Variants in HERC1 observed in about 807,000 individuals in gnomAD.
HERC1 encodes the protein HECT and RLD domain containing E3 ubiquitin protein ligase family member 1.
HERC1 carries 160 observed loss-of-function variants against 554.3 expected under a neutral mutation model. That is an observed-to-expected ratio of 0.29 (90% CI 0.25 to 0.33). The LOEUF (loss-of-function observed/expected upper bound fraction) is 0.33, where lower values mean the gene tolerates loss of function less well. HERC1 is among the 10% of genes least tolerant of loss of function. The probability of loss-of-function intolerance (pLI) is 1.00; values close to 1 mark genes in which losing one functional copy is unlikely to be tolerated. For synonymous variants in HERC1, 2,175 were observed against 2,131.7 expected, an observed-to-expected ratio of 1.02 and a Z score of -0.56; for missense variants, 4,919 against 5,918.5, an observed-to-expected ratio of 0.83 and a Z score of 5.54.
intron 2 of HERC1, among the ~76,000 whole-genome samples, chr15:63,766,678 T>C (rs1233672997): frequency 1.3e-5 from 2 of 152,228 alleles, no homozygotes; most frequent in Non-Finnish European, 2.9e-5. Context: ...GGGGTTTTTT[T>C]GTTTTGTTTT....
intron 32 of HERC1, 52 bp from the exon 33 acceptor site, chr15:63,689,751 T>C: frequency 9.0e-7 from 1 of 1,116,548 alleles, no homozygotes; most frequent in Non-Finnish European, 1.3e-6. Flanking sequence ...ACTTTAAGTA[T>C]TTTTAGAAAA....
At chr15:63,628,109 G>A (rs1455011973) in intron 70 of HERC1, among the ~76,000 whole-genome samples, 3 of 152,070 alleles carry the variant, frequency 2.0e-5, no homozygotes, top group Non-Finnish European at 4.4e-5. Context: ...TAAAAATACC[G>A]GCCAGGCGCT....
chr15:63,612,102 T>C lies in HERC1; in HGVS notation c.14400+149A>G. 1 of 685,050 alleles carries C rather than the reference T, an allele frequency of 1.5e-6. No homozygotes were observed. Among genetic ancestry groups the C allele is most frequent in the Non-Finnish European group, 2.4e-6 (1 of 416,574 alleles). The allele number at this position is 685,050 out of a possible 1,614,324, so 42.4% of individuals were successfully genotyped here. On this transcript the variant is annotated intron_variant, in intron 77 of 77. Transcript: ENST00000443617. This position sits in a 1 kb window ranked among gnomAD's most constrained non-coding sequence, Gnocchi z 5.0. ...ACTGCGGAGGCTGAGGCAGGAGAAC[T>C]GCTTGAAGCTAGGAAGCGGAGGTTG...
At chr15:63,773,560 A>G (rs956537706) in intron 2 of HERC1, among the ~76,000 whole-genome samples, 2 of 141,420 alleles carry the variant, frequency 1.4e-5, no homozygotes, top group African/African-American at 5.2e-5. Context: ...ATTTTATTTT[A>G]TTTTTGAGAC....
Position 63,725,469 on chromosome 15 carries a change from G to T in HERC1, c.3391C>A (p.Pro1131Thr). 2 of 1,613,904 alleles carry T rather than the reference G, an allele frequency of 1.2e-6. No homozygotes were observed. The highest frequency in any genetic ancestry group is 1.1e-5 in the South Asian group (1 of 91,076). Residue 1131 changes from proline to threonine, a missense_variant, in exon 18 of 78, where the codon CCA becomes ACA. This residue lies in a region of HERC1 where 1,121 missense variants were observed against 1,244.0 expected (regional missense o/e 0.90). Transcript: ENST00000443617. ...IDPAGLPLPQ[P>T]AQSWVWLVDL... is the part of the protein sequence containing the mutation. ...ACAAGCCATACCCAGGACTGAGCTG[G>T]CTGAGGTAATGGCAGACCAGCAGGA...
chr15:63,669,571 C>A lies in HERC1; in HGVS notation c.8173G>T (p.Asp2725Tyr). 6.2e-7 allele frequency: 1 copy of A among 1,613,820 alleles called. No individual in the cohort carries two copies. The highest frequency in any genetic ancestry group is 1.3e-5 in the African/African-American group (1 of 75,044). The change falls in exon 40 of 78, where the codon GAT becomes TAT. Residue 2725 changes from aspartate (D) to tyrosine (Y), a missense_variant. This residue lies in a region of HERC1 where 1,963 missense variants were observed against 2,228.6 expected (regional missense o/e 0.88). Transcript: ENST00000443617. Reference protein sequence around the residue: ...VGRRQSLTSPDSQSARPANRT... With the variant: ...VGRRQSLTSPYSQSARPANRT... ...TTAGCTGGCCTTGCTGACTGGGAAT[C>A]AGGAGAAGTTAAACTTTGCCTCCTT...
intron 67 of HERC1, among the ~76,000 whole-genome samples, chr15:63,633,139 T>C (rs1476831441): frequency 6.6e-6 from 1 of 152,228 alleles, no homozygotes; most frequent in Non-Finnish European, 1.5e-5. Flanking sequence ...TAGTTTAACA[T>C]TTTAGCTTTT....
intron 59 of HERC1, 131 bp from the exon 60 acceptor site, chr15:63,641,774 G>A (rs2069074430): frequency 2.8e-6 from 2 of 710,710 alleles, no homozygotes; most frequent in South Asian, 2.7e-5. Context: ...TATCCAAAAA[G>A]GCTATGCTTT....
intron 24 of HERC1, among the ~76,000 whole-genome samples, chr15:63,707,463 T>G (rs1329881499): frequency 6.6e-6 from 1 of 152,228 alleles, no homozygotes; most frequent in Non-Finnish European, 1.5e-5. Context: ...GTGTTACCTG[T>G]GTATCTGGTG....
intron 69 of HERC1, 80 bp from the exon 70 acceptor site, chr15:63,628,895 G>A: frequency 7.4e-7 from 1 of 1,354,184 alleles, no homozygotes. Context: ...TTCTTAGATG[G>A]TGGCAGACAT....
intron 1 of HERC1, among the ~76,000 whole-genome samples, chr15:63,805,121 G>A (rs1018007415): frequency 5.3e-5 from 8 of 152,120 alleles, no homozygotes; most frequent in African/African-American, 1.7e-4. Flanking sequence ...TAAAGACCTG[G>A]TCATCAGTAT....
At chr15:63,632,836 A>G (rs1595861377) in intron 67 of HERC1, 25 bp from the exon 68 acceptor site, 2 of 1,463,720 alleles carry the variant, frequency 1.4e-6, no homozygotes, top group East Asian at 4.9e-5. Flanking sequence ...TGTAAGGCAC[A>G]CAACTTTAAG....
Position 63,678,270 on chromosome 15 carries a change from G to T in HERC1, c.6645C>A (p.Ala2215=). ...GAAGGATACGGATGAGCTGAATAGT[G>T]GCCTCAGCCAGCACTGCTGCTACTG... ...CSPVAAVLAE[A]TIQLIRILHR... Residue 2215 remains alanine, a synonymous_variant, in exon 37 of 78, where the codon GCC becomes GCA. Coordinates refer to ENST00000443617, the MANE Select transcript of HERC1 (RefSeq NM_003922.4). 1 of 1,613,550 alleles carries T rather than the reference G, an allele frequency of 6.2e-7. No individual in the cohort carries two copies. The highest frequency in any genetic ancestry group is 2.2e-5 in the East Asian group (1 of 44,836).
chr15:63,819,025 TAAGCCATCTTG>T (rs2077594122), intron 1 of HERC1, among the ~76,000 whole-genome samples: 1 of 152,246 alleles, frequency 6.6e-6, no homozygotes, highest in Non-Finnish European at 1.5e-5. Flanking sequence ...CCAATTACCA[TAAGCCATCTTG>T]GCCCATTCGT....
intron 25 of HERC1, among the ~76,000 whole-genome samples, chr15:63,705,892 T>C (rs1289796472): frequency 6.6e-6 from 1 of 151,908 alleles, no homozygotes; most frequent in Non-Finnish European, 1.5e-5. Flanking sequence ...TAGCTGAGCA[T>C]GGTGGTGCAC....
At chr15:63,613,727 G>A (rs1247136185) in intron 76 of HERC1, among the ~76,000 whole-genome samples, 2 of 151,974 alleles carry the variant, frequency 1.3e-5, no homozygotes, top group African/African-American at 4.8e-5. Context: ...CCAGCTACTT[G>A]GAAGGCTAAG....
rs762685480 is a variant in HERC1 at position 63,672,594 on chromosome 15, G to A, written c.7947C>T (p.Ser2649=). 8 of 1,612,362 alleles carry A rather than the reference G, an allele frequency of 5.0e-6. No individual in the cohort carries two copies. The East Asian group carries it at 1.6e-4, about 31-fold the overall frequency. The change falls in exon 39 of 78, where the codon AGC becomes AGT. Residue 2649 remains serine, a synonymous_variant. Coordinates refer to ENST00000443617, the MANE Select transcript of HERC1 (RefSeq NM_003922.4). ...SASSTTSFMS[S]SLEDTTTATT... ...TGGCAGTTGTGGTGTCCTCCAGAGAGCTGCTCATAAAGGAGGTCGTGCTTG... is the reference window on the plus strand; with the variant it reads ...TGGCAGTTGTGGTGTCCTCCAGAGAACTGCTCATAAAGGAGGTCGTGCTTG...
intron 17 of HERC1, among the ~76,000 whole-genome samples, chr15:63,726,204 A>C (rs1171269366): frequency 2.0e-5 from 3 of 150,966 alleles, no homozygotes. Flanking sequence ...CTGGTCTTGA[A>C]CTCCTGACCT....
rs767627559 is a variant in HERC1 at position 63,734,597 on chromosome 15, G to A, written c.2646+127C>T. On this transcript the variant is annotated intron_variant, in intron 13 of 77. Coordinates refer to ENST00000443617, the MANE Select transcript of HERC1 (RefSeq NM_003922.4). The surrounding 1 kb of genome is among the most constrained non-coding windows in gnomAD (Gnocchi z 4.6). ...GTTAAGACAACTGGGAATTCTTCCA[G>A]CACAACACATTAACCCATCAAGTAC... 3.9e-5 allele frequency: 27 copies of A among 689,212 alleles called. No homozygotes were observed. Among genetic ancestry groups the A allele is most frequent in the South Asian group, 2.9e-4 (10 of 34,086 alleles). The allele number at this position is 689,212 out of a possible 1,614,324, so 42.7% of individuals were successfully genotyped here.
Sources: allele counts gnomAD v4.1 joint callset (sites outside exome capture counted in the v4.1 genomes callset), GRCh38; gene constraint gnomAD v4.1.1; regional missense constraint gnomAD v4.1.1; non-coding constraint Gnocchi (gnomAD v3.1); transcripts MANE v1.5; gene names NCBI Gene and HGNC (gene_info 2026-07-23, HGNC 2026-07-21).